The following C6 variants were observed in gnomAD, a reference collection of about 807,000 sequenced individuals.
The protein encoded by C6 is complement C6.
Under a neutral mutation model 112.9 loss-of-function variants are expected in C6, and 101 were observed. The ratio of observed to expected loss-of-function variants is 0.89; its 90% CI spans 0.76 to 1.06. The LOEUF is 1.06. Among genes scored for constraint, C6 ranks in the 50% least tolerant of loss-of-function variants. C6 has a pLI of 0.00. For missense variants in C6, 1,202 were observed against 1,104.6 expected (o/e 1.09, Z -1.25); for synonymous variants, 431 against 384.1 (o/e 1.12, Z -1.43).
chr5:41,195,558 G>A (rs1252743378), intron 5 of C6, among the ~76,000 whole-genome samples: 1 of 152,086 alleles, frequency 6.6e-6, no homozygotes, highest in Non-Finnish European at 1.5e-5. Flanking sequence ...GTTTATGAAG[G>A]GCCCATAGCA....
chr5:41,171,457 G>A (rs1748417259), intron 9 of C6, among the ~76,000 whole-genome samples: 1 of 152,142 alleles, frequency 6.6e-6, no homozygotes, highest in Non-Finnish European at 1.5e-5. Flanking sequence ...ATATGAGTGA[G>A]AACCAACAGC....
intron 1 of C6, among the ~76,000 whole-genome samples, chr5:41,228,473 C>T (rs1203497551): frequency 6.6e-6 from 1 of 152,116 alleles, no homozygotes; most frequent in Non-Finnish European, 1.5e-5. Flanking sequence ...ATTGCTCTGG[C>T]TAAGACTTCC....
At chr5:41,184,047 G>A (rs1749572403) in intron 6 of C6, among the ~76,000 whole-genome samples, 2 of 151,824 alleles carry the variant, frequency 1.3e-5, no homozygotes, top group Admixed American at 6.6e-5. Flanking sequence ...TGGGTAAAGG[G>A]ATCATTTGTA....
intron 1 of C6, among the ~76,000 whole-genome samples, chr5:41,242,573 A>G (rs1472788607): frequency 1.3e-5 from 2 of 152,222 alleles, no homozygotes; most frequent in Non-Finnish European, 2.9e-5. Context: ...ATTTCTCTGT[A>G]GTTAGCACAC....
intron 1 of C6, among the ~76,000 whole-genome samples, chr5:41,234,120 T>G (rs957627559): frequency 2.6e-5 from 4 of 152,058 alleles, no homozygotes; most frequent in Non-Finnish European, 4.4e-5. Context: ...ACCTACAGAA[T>G]TCTTTCCCAC....
chr5:41,161,180 A>G (rs1443517466), intron 10 of C6, among the ~76,000 whole-genome samples: 1 of 152,214 alleles, frequency 6.6e-6, no homozygotes, highest in African/African-American at 2.4e-5. Context: ...TCTAAATGGC[A>G]TATGGCTGAT....
intron 6 of C6, among the ~76,000 whole-genome samples, chr5:41,182,604 C>T (rs1008049853): frequency 6.6e-6 from 1 of 152,134 alleles, no homozygotes; most frequent in African/African-American, 2.4e-5. Context: ...TACAATACTA[C>T]AAAAGAAGGG....
At chr5:41,257,651 C>G (rs958657560) in intron 1 of C6, among the ~76,000 whole-genome samples, 1 of 152,060 alleles carries the variant, frequency 6.6e-6, no homozygotes, top group Non-Finnish European at 1.5e-5. Context: ...TAGAAGCCAT[C>G]GGAATAGAAA....
intron 13 of C6, among the ~76,000 whole-genome samples, chr5:41,156,180 G>T (rs906816688): frequency 6.6e-6 from 1 of 152,100 alleles, no homozygotes; most frequent in Middle Eastern, 3.4e-3. Flanking sequence ...GCCATTCTTC[G>T]AACATAAACT....
intron 1 of C6, among the ~76,000 whole-genome samples, chr5:41,228,398 A>T (rs1341031602): frequency 1.3e-5 from 2 of 152,118 alleles, no homozygotes; most frequent in Non-Finnish European, 2.9e-5. Context: ...AGATTGTGTT[A>T]TCTGCAAGCA....
intron 9 of C6, among the ~76,000 whole-genome samples, chr5:41,162,183 T>A (rs570009482): frequency 7.2e-5 from 11 of 152,316 alleles, no homozygotes; most frequent in African/African-American, 2.6e-4. Context: ...AAGTAATTTG[T>A]CCTGGAACAC....
chr5:41,153,975 C>T lies in C6; in HGVS notation c.2125G>A (p.Val709Met). The T allele has an allele frequency of 6.2e-7, 1 of 1,613,736 alleles. No individual in the cohort carries two copies. The highest frequency in any genetic ancestry group is 2.2e-5 in the East Asian group (1 of 44,836). The change falls in exon 15 of 18, where the codon GTG becomes ATG. Residue 709 changes from valine to methionine, a missense_variant. Physicochemically the swap from Val to Met is conservative, Grantham distance 21. Transcript: ENST00000337836. ...CQRTECIKPV[V>M]QEVLTITPFQ... ...GGTGTAATTGTCAGGACTTCCTGCA[C>T]AACTGGCTTGATGCACTCCGTCCCT...
intron 9 of C6, among the ~76,000 whole-genome samples, chr5:41,163,368 A>G (rs979718305): frequency 9.6e-5 from 14 of 146,590 alleles, no homozygotes; most frequent in Non-Finnish European, 1.8e-4. Flanking sequence ...GCTGGAATGC[A>G]TTGGTGCGAT....
At chr5:41,248,729 G>C (rs1444257668) in intron 1 of C6, among the ~76,000 whole-genome samples, 1 of 152,232 alleles carries the variant, frequency 6.6e-6, no homozygotes, top group African/African-American at 2.4e-5. Flanking sequence ...TGGTGGGAAT[G>C]TAAGTAGTTC....
intron 1 of C6, among the ~76,000 whole-genome samples, chr5:41,224,539 C>A (rs975548547): frequency 4.6e-5 from 7 of 151,786 alleles, no homozygotes; most frequent in Admixed American, 6.6e-5. Context: ...TGACTAAGTG[C>A]GTTTTCAAGG....
chr5:41,204,672 T>TTTTC (rs1751291900), intron 1 of C6, among the ~76,000 whole-genome samples: 1 of 121,024 alleles, frequency 8.3e-6, no homozygotes, highest in African/African-American at 3.9e-5. Flanking sequence ...TTTTTTTTCT[T>TTTTC]TTTTTTTTTT....
chr5:41,256,620 ATGTTGGATATAAG>A (rs1029052398), intron 1 of C6, among the ~76,000 whole-genome samples: 2 of 152,062 alleles, frequency 1.3e-5, no homozygotes, highest in Non-Finnish European at 2.9e-5. Flanking sequence ...GGGTTTCTCA[ATGTTGGATATAAG>A]TTCTCTGGCA....
intron 5 of C6, 195 bp from the exon 6 acceptor site, chr5:41,186,403 G>C: frequency 3.3e-6 from 2 of 600,346 alleles, no homozygotes; most frequent in Non-Finnish European, 5.9e-6. Flanking sequence ...CCCAAACTCA[G>C]CTTCTCTGGC....
At chr5:41,165,107 G>T (rs917440459) in intron 9 of C6, among the ~76,000 whole-genome samples, 1 of 152,106 alleles carries the variant, frequency 6.6e-6, no homozygotes, top group South Asian at 2.1e-4. Flanking sequence ...TTTTGTGCCT[G>T]GTTTCTTTTG....
Sources: allele counts gnomAD v4.1 joint callset (sites outside exome capture counted in the v4.1 genomes callset), GRCh38; gene constraint gnomAD v4.1.1; transcripts MANE v1.5; gene names NCBI Gene and HGNC (gene_info 2026-07-23, HGNC 2026-07-21).